TAF4B: variants seen among roughly 807,000 people sequenced by gnomAD.
TAF4B encodes TATA-box binding protein associated factor 4b.
A neutral mutation model predicts 86.4 loss-of-function variants in TAF4B; 38 were observed. The ratio of observed to expected loss-of-function variants is 0.44; its 90% CI spans 0.34 to 0.58. The LOEUF (loss-of-function observed/expected upper bound fraction) is 0.58. TAF4B is among the 20% of genes least tolerant of loss of function. TAF4B has a pLI of 0.02. For synonymous variants in TAF4B, 388 were observed against 391.2 expected (o/e 0.99, Z 0.10); for missense variants, 988 against 1,027.6 (o/e 0.96, Z 0.53).
At chr18:26,308,639 G>A (rs1189447752) in intron 9 of TAF4B, among the ~76,000 whole-genome samples, 3 of 152,080 alleles carry the variant, frequency 2.0e-5, no homozygotes, top group African/African-American at 4.8e-5. Context: ...TTGGGAGGCC[G>A]AGGTGGGCGG....
At chr18:26,344,244 T>G (rs2057158447) in intron 13 of TAF4B, among the ~76,000 whole-genome samples, 1 of 151,928 alleles carries the variant, frequency 6.6e-6, no homozygotes, top group Admixed American at 6.6e-5. Context: ...CTCTGAAAAC[T>G]ATATAGATGT....
intron 14 of TAF4B, among the ~76,000 whole-genome samples, chr18:26,364,582 C>T (rs1427280132): frequency 6.6e-6 from 1 of 152,022 alleles, no homozygotes. Context: ...ATTCTCTTTT[C>T]CCCCATTAGC....
chr18:26,257,447 T>G (rs758275866), intron 1 of TAF4B, among the ~76,000 whole-genome samples: 23 of 152,176 alleles, frequency 1.5e-4, no homozygotes, highest in Non-Finnish European at 2.8e-4. Flanking sequence ...AATGTATATC[T>G]CTTGTAAGGA....
chr18:26,330,774 A>G (rs546773464), intron 12 of TAF4B, among the ~76,000 whole-genome samples: 2 of 152,294 alleles, frequency 1.3e-5, no homozygotes, highest in African/African-American at 4.8e-5. Context: ...TTGTAAAAAC[A>G]TTCTCCAGTC....
chr18:26,238,683 G>A (rs1419372041), intron 1 of TAF4B, among the ~76,000 whole-genome samples: 1 of 151,988 alleles, frequency 6.6e-6, no homozygotes, highest in East Asian at 1.9e-4. Flanking sequence ...TTGGTGTGCT[G>A]CACCCATTAA....
In TAF4B at chr18:26,346,857, ATGTG is replaced by A. The variant is rs1296161066; in HGVS notation, c.2317-10831_2317-10828del. 6.8e-3 allele frequency among the ~76,000 whole-genome samples: 67 copies of A among 9,836 alleles called. 5 individuals carry two copies. Among genetic ancestry groups the A allele is most frequent in the African/African-American group, 0.01 (50 of 4,808 alleles). 6.5% of individuals were successfully genotyped at this position (9,836 alleles called of 152,430 possible). On this transcript the variant is annotated intron_variant, in intron 13 of 14. Coordinates refer to ENST00000269142, the MANE Select transcript of TAF4B (RefSeq NM_005640.3). ...TATATGTGTGTGTGTATATATATAT[ATGTG>A]TATATATATATATGTGTATATATAT...
intron 9 of TAF4B, among the ~76,000 whole-genome samples, chr18:26,309,776 CAA>C (rs1568144664): frequency 1.3e-5 from 2 of 152,066 alleles, no homozygotes; most frequent in Admixed American, 6.6e-5. Flanking sequence ...ATAAGGGGAT[CAA>C]TGAATAGACG....
chr18:26,229,963 A>C (rs560689318), intron 1 of TAF4B, among the ~76,000 whole-genome samples: 33 of 150,176 alleles, frequency 2.2e-4, no homozygotes, highest in African/African-American at 6.7e-4. Flanking sequence ...TTTAAAAAAA[A>C]AATATATATA....
chr18:26,294,783 A>G (rs905235675), intron 9 of TAF4B, among the ~76,000 whole-genome samples: 19 of 150,234 alleles, frequency 1.3e-4, no homozygotes, highest in African/African-American at 4.6e-4. Context: ...TAGTTTTTAC[A>G]TAGGTAATAG....
At chr18:26,251,249 G>A (rs575040061) in intron 1 of TAF4B, among the ~76,000 whole-genome samples, 5 of 152,230 alleles carry the variant, frequency 3.3e-5, no homozygotes, top group East Asian at 1.9e-4. Context: ...AGAAATCTGC[G>A]TTTTCCTAAC....
chr18:26,346,799 GTGTATATATATATA>G (rs2057190487), intron 13 of TAF4B, among the ~76,000 whole-genome samples: 1 of 14,868 alleles, frequency 6.7e-5, no homozygotes, highest in African/African-American at 1.3e-4. Flanking sequence ...ATATATATAT[GTGTATATATATATA>G]TATGTGTGTG....
At chr18:26,236,259 A>G (rs889319851) in intron 1 of TAF4B, among the ~76,000 whole-genome samples, 1 of 152,174 alleles carries the variant, frequency 6.6e-6, no homozygotes, top group Admixed American at 6.6e-5. Context: ...TACAACTGAG[A>G]AGGTGGGAGA....
chr18:26,243,683 G>T (rs1598716949), intron 1 of TAF4B, among the ~76,000 whole-genome samples: 2 of 152,300 alleles, frequency 1.3e-5, no homozygotes, highest in South Asian at 4.2e-4. Context: ...AGAATTTTCA[G>T]CTTTTCTGCT....
intron 12 of TAF4B, among the ~76,000 whole-genome samples, chr18:26,333,556 A>AC (rs2057068093): frequency 6.6e-6 from 1 of 152,082 alleles, no homozygotes; most frequent in African/African-American, 2.4e-5. Context: ...TGCCTGGCTA[A>AC]TTTTTTAAAT....
intron 14 of TAF4B, among the ~76,000 whole-genome samples, chr18:26,371,110 ATGAAGCG>A (rs1371852818): frequency 6.6e-6 from 1 of 152,226 alleles, no homozygotes; most frequent in Non-Finnish European, 1.5e-5. Context: ...AGATTTGTTC[ATGAAGCG>A]TGAACAAAAC....
chr18:26,227,162 A>G lies in TAF4B; in HGVS notation c.229A>G (p.Ser77Gly), dbSNP rs368327854. 4.6e-5 allele frequency: 74 copies of G among 1,613,972 alleles called. No individual in the cohort carries two copies. The highest frequency in any genetic ancestry group is 5.5e-5 in the Non-Finnish European group (65 of 1,180,004). Residue 77 changes from serine (S) to glycine (G), a missense_variant, in exon 1 of 15, where the codon AGC (serine) becomes GGC (glycine). Coordinates refer to ENST00000269142, the MANE Select transcript of TAF4B (RefSeq NM_005640.3). ...CCTGGTGACCAAAGTGGCTCCGGTC[A>G]GCGCCCCTCCTAAAGTCAGCAGCGG... ...GTLVTKVAPV[S>G]APPKVSSGPR...
intron 13 of TAF4B, among the ~76,000 whole-genome samples, chr18:26,345,043 TGAACCCA>T (rs1428985776): frequency 1.3e-5 from 2 of 152,212 alleles, no homozygotes; most frequent in Non-Finnish European, 2.9e-5. Flanking sequence ...TCAAAAGCCC[TGAACCCA>T]GTTTGGAGAG....
chr18:26,245,200 A>G (rs2055903982), intron 1 of TAF4B, among the ~76,000 whole-genome samples: 1 of 152,122 alleles, frequency 6.6e-6, no homozygotes. Context: ...ACAGAATAGC[A>G]AGCAAAAGGG....
rs896851693 is a variant in TAF4B at position 26,304,789 on chromosome 18, T to C, written c.1833-10440T>C. Reference sequence around the variant, plus strand: ...TTAACAGGTCCTGTGAACCAAACAATGGAATGAAAATGTCTTATGCTGTGT... The same window carrying C: ...TTAACAGGTCCTGTGAACCAAACAACGGAATGAAAATGTCTTATGCTGTGT... On this transcript the variant is annotated intron_variant, in intron 9 of 14. Coordinates refer to ENST00000269142, the MANE Select transcript of TAF4B (RefSeq NM_005640.3). 3.0e-6 allele frequency: 3 copies of C among 985,222 alleles called. No individual in the cohort carries two copies. In the African/African-American group the frequency reaches 5.2e-5, roughly 17 times the overall value. The allele number at this position is 985,222 out of a possible 1,614,324, so 61.0% of individuals were successfully genotyped here.
Sources: allele counts gnomAD v4.1 joint callset (sites outside exome capture counted in the v4.1 genomes callset), GRCh38; gene constraint gnomAD v4.1.1; transcripts MANE v1.5; gene names NCBI Gene and HGNC (gene_info 2026-07-23, HGNC 2026-07-21).